The following PCCA variants were observed in gnomAD, a reference collection of about 807,000 sequenced individuals.
The protein encoded by PCCA is propionyl-CoA carboxylase alpha chain, mitochondrial.
A neutral mutation model predicts 101.3 loss-of-function variants in PCCA; 74 were observed. That is an observed-to-expected ratio of 0.73 (90% CI 0.61 to 0.89). The LOEUF (loss-of-function observed/expected upper bound fraction) is 0.89. Ranked by LOEUF, PCCA falls within the 40% of genes least tolerant of loss-of-function variation. The pLI, the probability that PCCA is intolerant of heterozygous loss-of-function variation, is 0.00. For missense variants in PCCA, 891 were observed against 907.0 expected (o/e 0.98, Z 0.23); for synonymous variants, 294 against 313.6 (o/e 0.94, Z 0.66).
chr13:100,110,572 T>C (rs1023157464), intron 2 of PCCA, among the ~76,000 whole-genome samples: 6 of 152,226 alleles, frequency 3.9e-5, no homozygotes, highest in African/African-American at 1.4e-4. Context: ...TTATTCAAAC[T>C]TAACATTGGA....
Position 100,144,384 on chromosome 13 carries a change from A to G in PCCA, c.301-10595A>G, listed in dbSNP as rs190174597. Among the ~76,000 whole-genome samples, 280 of 152,324 alleles carry G rather than the reference A, an allele frequency of 1.8e-3. 1 individual carries two copies. Among genetic ancestry groups the G allele is most frequent in the African/African-American group, 6.5e-3 (270 of 41,582 alleles). On this transcript the variant is annotated intron_variant, in intron 4 of 23. Coordinates refer to ENST00000376285, the MANE Select transcript of PCCA (RefSeq NM_000282.4). ...AGCTTTTAGAGTTTCTAGGAATGCC[A>G]TGATGTCTGCATAGATACTAGGAGA...
chr13:100,103,633 A>G (rs946739918), intron 2 of PCCA, among the ~76,000 whole-genome samples: 1 of 148,378 alleles, frequency 6.7e-6, no homozygotes, highest in African/African-American at 2.5e-5. Context: ...TAATATTTAT[A>G]TTATTTATTT....
chr13:100,462,855 G>A (rs886549504), intron 21 of PCCA, among the ~76,000 whole-genome samples: 4 of 152,194 alleles, frequency 2.6e-5, no homozygotes, highest in African/African-American at 9.6e-5. Context: ...GTAAATGACT[G>A]ATTACCGTGA....
chr13:100,389,446 C>G (rs368602405), intron 19 of PCCA, among the ~76,000 whole-genome samples: 2 of 152,108 alleles, frequency 1.3e-5, no homozygotes, highest in African/African-American at 2.4e-5. Flanking sequence ...ATAACAAGAA[C>G]ACATGGACAC....
intron 10 of PCCA, among the ~76,000 whole-genome samples, chr13:100,263,359 A>C (rs1434498929): frequency 1.3e-5 from 2 of 152,232 alleles, no homozygotes; most frequent in Non-Finnish European, 2.9e-5. Context: ...AATTTTATAC[A>C]TTATGACTAT....
chr13:100,507,313 T>A (rs1164340951), intron 21 of PCCA, among the ~76,000 whole-genome samples: 1 of 152,222 alleles, frequency 6.6e-6, no homozygotes, highest in African/African-American at 2.4e-5. Flanking sequence ...TTGGGGGCAC[T>A]TGGGCCAGGC....
chr13:100,278,685 G>A (rs912385013), intron 12 of PCCA, among the ~76,000 whole-genome samples: 1 of 152,094 alleles, frequency 6.6e-6, no homozygotes, highest in Non-Finnish European at 1.5e-5. Context: ...TCACCACGTT[G>A]ACCAGGATGG....
intron 15 of PCCA, among the ~76,000 whole-genome samples, chr13:100,309,149 C>G (rs1160795577): frequency 6.6e-6 from 1 of 152,164 alleles, no homozygotes; most frequent in Non-Finnish European, 1.5e-5. Flanking sequence ...AATCCCAGCA[C>G]TTTGGGAGGC....
chr13:100,463,684 G>A (rs1452419112), intron 21 of PCCA, among the ~76,000 whole-genome samples: 1 of 152,150 alleles, frequency 6.6e-6, no homozygotes, highest in Non-Finnish European at 1.5e-5. Flanking sequence ...GCAGAGGTGA[G>A]GTCCTAAGCC....
chr13:100,319,147 C>T (rs1188018640), intron 16 of PCCA, among the ~76,000 whole-genome samples: 4 of 152,176 alleles, frequency 2.6e-5, no homozygotes, highest in African/African-American at 4.8e-5. Context: ...TGAGAAGTGT[C>T]TGTTCATGTC....
intron 16 of PCCA, among the ~76,000 whole-genome samples, chr13:100,328,932 T>G (rs1305043395): frequency 6.6e-6 from 1 of 151,428 alleles, no homozygotes; most frequent in Non-Finnish European, 1.5e-5. Flanking sequence ...TACCTCATGA[T>G]CTGCCTGCCT....
At chr13:100,288,904 A>T (rs1271828638) in intron 12 of PCCA, among the ~76,000 whole-genome samples, 1 of 152,050 alleles carries the variant, frequency 6.6e-6, no homozygotes, top group African/African-American at 2.4e-5. Flanking sequence ...TCAGAATAGC[A>T]ACAGTAGTAG....
intron 23 of PCCA, among the ~76,000 whole-genome samples, chr13:100,529,052 G>A (rs982322478): frequency 7.8e-4 from 119 of 152,184 alleles, no homozygotes; most frequent in African/African-American, 2.7e-3. Context: ...GGTCTCCCTC[G>A]GCCCTCCTAG....
intron 12 of PCCA, among the ~76,000 whole-genome samples, chr13:100,286,228 T>A (rs1414025805): frequency 2.0e-5 from 3 of 152,136 alleles, no homozygotes; most frequent in Non-Finnish European, 4.4e-5. Context: ...TCTTTTTAAT[T>A]GTCAGCAAGG....
intron 2 of PCCA, among the ~76,000 whole-genome samples, chr13:100,108,860 G>A (rs2048048542): frequency 6.6e-6 from 1 of 152,216 alleles, no homozygotes; most frequent in African/African-American, 2.4e-5. Flanking sequence ...TGTCTCTTCA[G>A]TGTATCCCCT....
At chr13:100,520,566 C>T (rs1022592003) in intron 22 of PCCA, among the ~76,000 whole-genome samples, 11 of 129,894 alleles carry the variant, frequency 8.5e-5, no homozygotes, top group African/African-American at 2.9e-4. Context: ...ACCCGGAAGG[C>T]GGAGCTTGCA....
chr13:100,337,357 A>G (rs951071453), intron 17 of PCCA, among the ~76,000 whole-genome samples: 1 of 152,176 alleles, frequency 6.6e-6, no homozygotes, highest in African/African-American at 2.4e-5. Flanking sequence ...AAGCTGGTCT[A>G]CCACCCCCAG....
intron 4 of PCCA, among the ~76,000 whole-genome samples, chr13:100,127,413 T>C (rs1043335689): frequency 6.6e-6 from 1 of 152,230 alleles, no homozygotes; most frequent in African/African-American, 2.4e-5. Context: ...ATATATCTTT[T>C]TGGTTTTGTT....
At chr13:100,303,155 T>C (rs576020434) in intron 14 of PCCA, among the ~76,000 whole-genome samples, 157 bp downstream of exon 14, 4 of 152,282 alleles carry the variant, frequency 2.6e-5, no homozygotes, top group South Asian at 2.1e-4. Context: ...TTTTTTTCAG[T>C]ATTTTGTGGT....
Sources: allele counts gnomAD v4.1 joint callset (sites outside exome capture counted in the v4.1 genomes callset), GRCh38; gene constraint gnomAD v4.1.1; transcripts MANE v1.5; gene names NCBI Gene and HGNC (gene_info 2026-07-23, HGNC 2026-07-21).